The following ATF2 variants were observed in gnomAD, a reference collection of about 807,000 sequenced individuals.
ATF2 encodes the protein cyclic AMP-dependent transcription factor ATF-2.
Under a neutral mutation model 60.6 loss-of-function variants are expected in ATF2, and 24 were observed. The ratio of observed to expected loss-of-function variants is 0.40; its 90% CI spans 0.29 to 0.56. The LOEUF is 0.56. Ranked by LOEUF, ATF2 falls within the 20% of genes least tolerant of loss-of-function variation. ATF2 has a pLI of 0.54. For synonymous variants in ATF2, 206 were observed against 215.4 expected (o/e 0.96, Z 0.38); for missense variants, 433 against 607.7 (o/e 0.71, Z 3.02).
chr2:175,111,651 C>A lies in ATF2; in HGVS notation c.745G>T (p.Val249Phe). ...CTAGGCACCATGGTGACTGGTCGAACGAGCTATGCATGACATAAGGAAAAA... is the reference window on the plus strand; with the variant it reads ...CTAGGCACCATGGTGACTGGTCGAAAGAGCTATGCATGACATAAGGAAAAA... The part of the protein sequence containing the change: ...NVHVPAAVPL[V>F]RPVTMVPSVP... The change falls in exon 10 of 14, where the codon GTT becomes TTT. Residue 249 changes from valine to phenylalanine, a missense_variant. Around this residue, in one of 5 missense-constraint regions of ATF2, gnomAD observed 246 missense variants for 309.3 expected, o/e 0.80. Coordinates refer to ENST00000264110, the MANE Select transcript of ATF2 (RefSeq NM_001880.4). 1 of 1,612,962 alleles carries A rather than the reference C, an allele frequency of 6.2e-7. No homozygotes were observed. The highest frequency in any genetic ancestry group is 8.5e-7 in the Non-Finnish European group (1 of 1,179,314).
chr2:175,142,720 A>AGAGAGAGAGTGT (rs1491359659), intron 2 of ATF2, among the ~76,000 whole-genome samples: 115 of 71,176 alleles, frequency 1.6e-3, no homozygotes, highest in African/African-American at 5.3e-3. Flanking sequence ...AGAGAGAGAG[A>AGAGAGAGAGTGT]GTGTGTGTGT....
chr2:175,149,836 T>C (rs895362550), intron 2 of ATF2, among the ~76,000 whole-genome samples: 7 of 152,178 alleles, frequency 4.6e-5, no homozygotes, highest in African/African-American at 1.7e-4. Flanking sequence ...TTCCCATTCA[T>C]CCATTCCTTT....
At chr2:175,141,030 A>AATATATATATATATATATATATATATAT (rs1553513531) in intron 2 of ATF2, among the ~76,000 whole-genome samples, 1 of 37,596 alleles carries the variant, frequency 2.7e-5, no homozygotes, top group African/African-American at 1.2e-4. Context: ...AAAAAAAAAA[A>AATATATATATATATATATATATATATAT]ATATATATAT....
Position 175,146,248 on chromosome 2 carries a change from A to G in ATF2, c.-44+4812T>C, listed in dbSNP as rs191465331. On this transcript the variant is annotated intron_variant, in intron 2 of 13. Transcript: ENST00000264110. The stretch of plus-strand genomic sequence containing the variant: ...CACCAAAATCATTATAGTCAAGGAA[A>G]CATTAAGGAACTGTTTCCGATTTTA... Among the ~76,000 whole-genome samples the G allele has an allele frequency of 6.6e-5, 10 of 152,346 alleles. 2 individuals are homozygous for G. Among genetic ancestry groups the G allele is most frequent in the African/African-American group, 2.4e-4 (10 of 41,584 alleles).
chr2:175,137,244 T>A (rs1336250490), intron 2 of ATF2, among the ~76,000 whole-genome samples: 3 of 152,162 alleles, frequency 2.0e-5, no homozygotes, highest in Non-Finnish European at 4.4e-5. Flanking sequence ...GGATCTGGTA[T>A]AGGAAATAAG....
rs549291300 is a variant in ATF2, at chr2:175,162,428, A to G, written c.-143+5622T>C. On this transcript the variant is annotated intron_variant, in intron 1 of 13. Coordinates refer to ENST00000264110, the MANE Select transcript of ATF2 (RefSeq NM_001880.4). ...TCTGCTGACAGTGTAAACTCGCTCA[A>G]GTCTTTGGGGAGGCAAAAATCTGGC... Among the ~76,000 whole-genome samples, 6 of 152,336 alleles carry G rather than the reference A, an allele frequency of 3.9e-5. No individual in the cohort carries two copies. In the East Asian group the frequency reaches 1.2e-3, roughly 29 times the overall value.
At chr2:175,105,946 A>T (rs1345874829) in intron 10 of ATF2, among the ~76,000 whole-genome samples, 1 of 152,200 alleles carries the variant, frequency 6.6e-6, no homozygotes, top group Non-Finnish European at 1.5e-5. Context: ...ATGACAATAA[A>T]AGTATAGCAT....
chr2:175,103,611 C>A (rs908669149), intron 10 of ATF2, among the ~76,000 whole-genome samples: 1 of 151,370 alleles, frequency 6.6e-6, no homozygotes, highest in African/African-American at 2.4e-5. Flanking sequence ...TCAGTAGAAA[C>A]CCCCTGCAGA....
At chr2:175,087,212 G>C (rs1252919057) in intron 12 of ATF2, among the ~76,000 whole-genome samples, 1 of 151,970 alleles carries the variant, frequency 6.6e-6, no homozygotes, top group African/African-American at 2.4e-5. Flanking sequence ...TATCTTCCTG[G>C]GTCATTCTGA....
At chr2:175,116,919 TAAAA>T (rs1696614603) in intron 7 of ATF2, among the ~76,000 whole-genome samples, 2 of 151,960 alleles carry the variant, frequency 1.3e-5, no homozygotes, top group African/African-American at 4.8e-5. Flanking sequence ...TATCATATAA[TAAAA>T]TAAAGTACAA....
intron 13 of ATF2, among the ~76,000 whole-genome samples, chr2:175,075,866 G>T: frequency 6.6e-6 from 1 of 152,092 alleles, no homozygotes; most frequent in East Asian, 1.9e-4. Context: ...TGTTTATTTT[G>T]AAACATTTTA....
intron 10 of ATF2, among the ~76,000 whole-genome samples, chr2:175,105,068 A>C (rs1165465015): frequency 6.6e-6 from 1 of 152,030 alleles, no homozygotes; most frequent in African/African-American, 2.4e-5. Context: ...GTACTTAAGA[A>C]AGACAATTGA....
At chr2:175,128,765 C>T (rs1478019315) in intron 4 of ATF2, among the ~76,000 whole-genome samples, 1 of 151,900 alleles carries the variant, frequency 6.6e-6, no homozygotes, top group Admixed American at 6.6e-5. Flanking sequence ...AGATGCAAAC[C>T]ACAGAAAAAG....
At chr2:175,108,526 C>A (rs1485905695) in intron 10 of ATF2, among the ~76,000 whole-genome samples, 1 of 150,198 alleles carries the variant, frequency 6.7e-6, no homozygotes, top group Non-Finnish European at 1.5e-5. Flanking sequence ...TCAGCCCCCG[C>A]CCGGCCAGCC....
chr2:175,121,650 TAGC>T (rs1415327180), intron 4 of ATF2, 110 bp from the exon 5 acceptor site: 1 of 751,716 alleles, frequency 1.3e-6, no homozygotes. Context: ...AACAGTGAAA[TAGC>T]AGTTTTTAAA....
In ATF2 at chr2:175,089,834, C is replaced by T. The variant is rs1694422044; in HGVS notation, c.1185+3227G>A. On this transcript the variant is annotated intron_variant, in intron 12 of 13. Transcript: ENST00000264110. ...ATCCATGCTCTCAATTCCCTCCTCA[C>T]CATCGTTTGCACCTTGGTACATGTC... 7.9e-5 allele frequency among the ~76,000 whole-genome samples: 12 copies of T among 152,304 alleles called. No homozygotes were observed. The South Asian group carries it at 2.3e-3, about 29-fold the overall frequency.
At chr2:175,089,642 C>G (rs543297883) in intron 12 of ATF2, among the ~76,000 whole-genome samples, 1 of 152,294 alleles carries the variant, frequency 6.6e-6, no homozygotes, top group South Asian at 2.1e-4. Context: ...CTCCCTGAAT[C>G]TATTATAGGC....
chr2:175,122,672 T>TGCGTGTAGAG (rs1230865979), intron 4 of ATF2, among the ~76,000 whole-genome samples: 1 of 152,062 alleles, frequency 6.6e-6, no homozygotes, highest in East Asian at 1.9e-4. Context: ...TCATCTCATG[T>TGCGTGTAGAG]GTGCGGCACA....
intron 12 of ATF2, chr2:175,092,636 G>A (rs1359413966): frequency 4.6e-6 from 2 of 434,676 alleles, no homozygotes; most frequent in South Asian, 1.8e-5. Flanking sequence ...AAACAAAACA[G>A]AACAAAATTT....
Sources: allele counts gnomAD v4.1 joint callset (sites outside exome capture counted in the v4.1 genomes callset), GRCh38; gene constraint gnomAD v4.1.1; regional missense constraint gnomAD v4.1.1; transcripts MANE v1.5; gene names NCBI Gene and HGNC (gene_info 2026-07-23, HGNC 2026-07-21).